Variants in GYPC observed in about 807,000 individuals in gnomAD.
The protein encoded by GYPC is glycophorin-C.
In GYPC, 14 loss-of-function variants were observed where a neutral mutation model predicts 12.6. That is an observed-to-expected ratio of 1.11 (90% CI 0.74 to 1.74). GYPC has a LOEUF of 1.74. Among genes scored for constraint, GYPC ranks in the 40% most tolerant of loss-of-function variants. The pLI is 0.00. For missense variants in GYPC, 225 were observed against 172.1 expected, an observed-to-expected ratio of 1.31 and a Z score of -1.72; for synonymous variants, 78 against 62.1, an observed-to-expected ratio of 1.26 and a Z score of -1.20.
At chr2:126,682,910 C>A (rs1014683400) in intron 1 of GYPC, among the ~76,000 whole-genome samples, 2 of 152,206 alleles carry the variant, frequency 1.3e-5, no homozygotes, top group Non-Finnish European at 2.9e-5. Flanking sequence ...CCCCACTCTT[C>A]CTGCCTCTTT....
chr2:126,674,510 G>A (rs1390999163), intron 1 of GYPC, among the ~76,000 whole-genome samples: 1 of 152,220 alleles, frequency 6.6e-6, no homozygotes, highest in Non-Finnish European at 1.5e-5. Context: ...GCACTAGAGA[G>A]GCCCTCGAGC....
At chr2:126,678,180 C>T (rs375584521) in intron 1 of GYPC, 3 of 152,110 alleles carry the variant, frequency 2.0e-5, no homozygotes, top group South Asian at 2.1e-4. Flanking sequence ...CGAGATGGCA[C>T]CACTGCACTC....
intron 1 of GYPC, among the ~76,000 whole-genome samples, chr2:126,665,408 T>C (rs546370725): frequency 6.6e-6 from 1 of 152,240 alleles, no homozygotes; most frequent in Non-Finnish European, 1.5e-5. Context: ...CTATCATGTA[T>C]GTAAGGTTCA....
chr2:126,689,972 C>T (rs1683406385), intron 1 of GYPC, among the ~76,000 whole-genome samples: 2 of 152,206 alleles, frequency 1.3e-5, no homozygotes, highest in Admixed American at 1.3e-4. Flanking sequence ...CACATGCAGG[C>T]ACCACTCTCA....
chr2:126,660,347 G>C (rs1303612268), intron 1 of GYPC, among the ~76,000 whole-genome samples: 1 of 152,202 alleles, frequency 6.6e-6, no homozygotes, highest in East Asian at 1.9e-4. Context: ...GCTCGGGGTG[G>C]CCCTCGAGCC....
At chr2:126,691,425 G>A (rs56166120) in intron 2 of GYPC, among the ~76,000 whole-genome samples, 18 of 152,124 alleles carry the variant, frequency 1.2e-4, no homozygotes, top group East Asian at 9.7e-4. Context: ...CATTCTCTGC[G>A]TTACCCTCTC....
At chr2:126,676,411 G>C (rs1455201010) in intron 1 of GYPC, among the ~76,000 whole-genome samples, 1 of 152,192 alleles carries the variant, frequency 6.6e-6, no homozygotes, top group Non-Finnish European at 1.5e-5. Flanking sequence ...GACATTAACT[G>C]GTTGTCCAAC....
chr2:126,669,801 CTTA>C (rs143767961), intron 1 of GYPC, among the ~76,000 whole-genome samples: 10,392 of 152,020 alleles, frequency 0.068, 453 homozygotes, highest in Non-Finnish European at 0.1. Context: ...ACTTCTGAGC[CTTA>C]TTATTATTAT....
At chr2:126,688,644 G>A (rs2018638) in intron 1 of GYPC, among the ~76,000 whole-genome samples, 40,219 of 151,882 alleles carry the variant, frequency 0.26, 6,164 homozygotes, top group East Asian at 0.42. Context: ...GGCGGCCTCA[G>A]TGCCTTGTAT....
intron 1 of GYPC, among the ~76,000 whole-genome samples, chr2:126,659,369 C>G (rs1186463563): frequency 6.6e-6 from 1 of 152,228 alleles, no homozygotes; most frequent in African/African-American, 2.4e-5. Flanking sequence ...AGGGGCAGAG[C>G]AGAGGCCAGA....
intron 1 of GYPC, among the ~76,000 whole-genome samples, chr2:126,663,163 G>A (rs1226807302): frequency 3.3e-5 from 5 of 152,086 alleles, no homozygotes; most frequent in Admixed American, 1.3e-4. Context: ...TCAGCCTCCC[G>A]AGTTGCTGGG....
chr2:126,680,440 C>A (rs371604236), intron 1 of GYPC: 2 of 152,306 alleles, frequency 1.3e-5, no homozygotes, highest in South Asian at 2.1e-4. Flanking sequence ...GTGAGAGGAA[C>A]CTTTCCAGTG....
At chr2:126,669,353 G>A (rs774360459) in intron 1 of GYPC, among the ~76,000 whole-genome samples, 5 of 152,206 alleles carry the variant, frequency 3.3e-5, no homozygotes, top group Non-Finnish European at 7.3e-5. Context: ...TACAGGACAT[G>A]TCTGTGAGTG....
chr2:126,656,244 G>T lies in GYPC; in HGVS notation c.-20G>T, dbSNP rs769054921. The stretch of plus-strand genomic sequence containing the variant: ...GGCCTGGCCAGTCCCCGCGGTCTCT[G>T]CCCGGGCTGACGCCCAGGAATGTGG... On this transcript the variant is annotated 5_prime_UTR_variant, in exon 1 of 4. Coordinates refer to ENST00000259254, the MANE Select transcript of GYPC (RefSeq NM_002101.5). The T allele has an allele frequency of 7.3e-5, 116 of 1,597,628 alleles. No individual in the cohort carries two copies. Among genetic ancestry groups the T allele is most frequent in the Non-Finnish European group, 9.1e-5 (107 of 1,174,190 alleles).
intron 1 of GYPC, among the ~76,000 whole-genome samples, chr2:126,667,558 C>A (rs1294921921): frequency 6.6e-6 from 1 of 152,100 alleles, no homozygotes; most frequent in Non-Finnish European, 1.5e-5. Flanking sequence ...CATGCACCAC[C>A]ACGCCTGGCT....
intron 1 of GYPC, among the ~76,000 whole-genome samples, chr2:126,662,698 T>A (rs914845904): frequency 3.3e-5 from 5 of 152,348 alleles, no homozygotes; most frequent in African/African-American, 1.2e-4. Flanking sequence ...ATTCTACGGC[T>A]AGTCCTGAAC....
At chr2:126,658,745 A>G (rs543688290) in intron 1 of GYPC, 1 of 152,366 alleles carries the variant, frequency 6.6e-6, no homozygotes, top group Admixed American at 6.5e-5. Flanking sequence ...CTTATTTTAC[A>G]TAATAAAAAT....
At chr2:126,687,134 G>A (rs1683314767) in intron 1 of GYPC, among the ~76,000 whole-genome samples, 1 of 152,192 alleles carries the variant, frequency 6.6e-6, no homozygotes, top group African/African-American at 2.4e-5. Flanking sequence ...TGGAGCCGTG[G>A]ATGGCAAGCA....
In GYPC at chr2:126,694,237, G is replaced by A. The variant is rs563314459; in HGVS notation, c.190+290G>A. On this transcript the variant is annotated intron_variant, in intron 3 of 3. Transcript: ENST00000259254. ...GCAGTTTTGGTGAAGGAGGTTGAGG[G>A]TGGAGGTGAGATGAGGGTAGACTGA... is the stretch of plus-strand genomic sequence containing the variant. Among the ~76,000 whole-genome samples the A allele has an allele frequency of 7.2e-5, 11 of 152,238 alleles. 1 individual carries two copies. The highest frequency in any genetic ancestry group is 7.2e-4 in the Admixed American group (11 of 15,276).
Sources: allele counts gnomAD v4.1 joint callset (sites outside exome capture counted in the v4.1 genomes callset), GRCh38; gene constraint gnomAD v4.1.1; transcripts MANE v1.5; gene names NCBI Gene and HGNC (gene_info 2026-07-23, HGNC 2026-07-21).